The following CPNE3 variants were observed in gnomAD, a reference collection of about 807,000 sequenced individuals.
The protein encoded by CPNE3 is copine-3.
CPNE3 carries 68 observed loss-of-function variants against 63.9 expected under a neutral mutation model. The ratio of observed to expected loss-of-function variants is 1.06; its 90% CI spans 0.87 to 1.30. The LOEUF (loss-of-function observed/expected upper bound fraction) is 1.30. CPNE3 is among the 50% of genes most tolerant of loss of function. The pLI is 0.00. For missense variants in CPNE3, 665 were observed against 578.1 expected (o/e 1.15, Z -1.54); for synonymous variants, 219 against 197.5 (o/e 1.11, Z -0.91).
At chr8:86,527,985 A>G (rs1444229781) in intron 2 of CPNE3, among the ~76,000 whole-genome samples, 4 of 94,420 alleles carry the variant, frequency 4.2e-5, no homozygotes, top group African/African-American at 2.6e-4. Context: ...CAGAGTCTCT[A>G]TTGCCCAGGC....
chr8:86,553,995 G>GT (rs1326954839), intron 14 of CPNE3: 1 of 152,142 alleles, frequency 6.6e-6, no homozygotes, highest in African/African-American at 2.4e-5. Context: ...AATGACAACA[G>GT]TTTATTTCTT....
intron 11 of CPNE3, 103 bp from the exon 12 acceptor site, chr8:86,548,198 G>T (rs949757041): frequency 8.2e-7 from 1 of 1,216,850 alleles, no homozygotes; most frequent in East Asian, 2.4e-5. Context: ...GGAAGTAGGC[G>T]CCAGGATGCA....
intron 8 of CPNE3, among the ~76,000 whole-genome samples, chr8:86,542,914 G>T (rs971477533): frequency 6.6e-6 from 1 of 151,894 alleles, no homozygotes; most frequent in African/African-American, 2.4e-5. Context: ...AACCGTTTTA[G>T]CCCTTCATAA....
intron 2 of CPNE3, among the ~76,000 whole-genome samples, chr8:86,519,101 T>C (rs2131418389): frequency 6.6e-6 from 1 of 152,308 alleles, no homozygotes; most frequent in African/African-American, 2.4e-5. Context: ...AATACCTCAC[T>C]AAATGAACCT....
chr8:86,535,148 C>G (rs1186243260), intron 6 of CPNE3, among the ~76,000 whole-genome samples: 2 of 151,968 alleles, frequency 1.3e-5, no homozygotes, highest in South Asian at 2.1e-4. Context: ...AGCCATGTCC[C>G]AAGCTTATTT....
At chr8:86,520,702 C>G (rs1422279568) in intron 2 of CPNE3, among the ~76,000 whole-genome samples, 1 of 150,140 alleles carries the variant, frequency 6.7e-6, no homozygotes, top group African/African-American at 2.4e-5. Flanking sequence ...CTTTGTCACC[C>G]AGGCTGGAGT....
chr8:86,537,070 C>CAAAACAATATCTTTTAAACTTTTT (rs1820818231), intron 6 of CPNE3, among the ~76,000 whole-genome samples: 1 of 152,094 alleles, frequency 6.6e-6, no homozygotes, highest in Non-Finnish European at 1.5e-5. Flanking sequence ...ACATAGAAGG[C>CAAAACAATATCTTTTAAACTTTTT]TGAGATATGA....
chr8:86,554,540 A>C lies in CPNE3; in HGVS notation c.1121-311A>C, dbSNP rs554745547. 1.5e-4 allele frequency among the ~76,000 whole-genome samples: 23 copies of C among 152,328 alleles called. 1 individual carries two copies. The highest frequency in any genetic ancestry group is 5.1e-4 in the African/African-American group (21 of 41,578). On this transcript the variant is annotated intron_variant, in intron 14 of 16. Transcript: ENST00000517490. ...GAAACCTTTTTCATGGTTTTCTATC[A>C]GAGCCACATTCCCAACATGTATTAA...
chr8:86,529,407 G>C (rs1325006214), intron 4 of CPNE3, among the ~76,000 whole-genome samples: 1 of 152,122 alleles, frequency 6.6e-6, no homozygotes, highest in Non-Finnish European at 1.5e-5. Flanking sequence ...CTGCTGCAGA[G>C]TTCTCTACGG....
intron 5 of CPNE3, 92 bp from the exon 6 acceptor site, chr8:86,532,417 G>A: frequency 1.2e-6 from 1 of 825,220 alleles, no homozygotes; most frequent in Non-Finnish European, 1.9e-6. Flanking sequence ...ATTAGTGTAG[G>A]CTTTATATTA....
chr8:86,520,721 G>A (rs1463658057), intron 2 of CPNE3, among the ~76,000 whole-genome samples: 4 of 147,232 alleles, frequency 2.7e-5, no homozygotes, highest in East Asian at 2.1e-4. Context: ...GTGCAGTGGC[G>A]CAATCTTGGC....
At chr8:86,542,600 T>C (rs1820964677) in intron 8 of CPNE3, among the ~76,000 whole-genome samples, 1 of 151,832 alleles carries the variant, frequency 6.6e-6, no homozygotes. Flanking sequence ...TACATGTATA[T>C]ATTATATACT....
intron 2 of CPNE3, among the ~76,000 whole-genome samples, chr8:86,526,493 G>A (rs765058016): frequency 6.3e-4 from 94 of 149,432 alleles, no homozygotes; most frequent in Non-Finnish European, 9.6e-4. Context: ...AAATATATAA[G>A]ATACATATTT....
chr8:86,541,237 ACTT>A (rs1177396873), intron 8 of CPNE3, among the ~76,000 whole-genome samples: 2 of 152,136 alleles, frequency 1.3e-5, no homozygotes, highest in African/African-American at 4.8e-5. Flanking sequence ...AGGTAACCAC[ACTT>A]CTTCACATTT....
chr8:86,558,201 T>A (rs1190026985), intron 16 of CPNE3, 87 bp from the exon 17 acceptor site: 1 of 828,238 alleles, frequency 1.2e-6, no homozygotes, highest in East Asian at 2.4e-5. Flanking sequence ...TTCATTTTAG[T>A]GGCTGCTGAA....
intron 14 of CPNE3, among the ~76,000 whole-genome samples, chr8:86,553,765 T>G (rs1821246626): frequency 6.6e-6 from 1 of 151,838 alleles, no homozygotes; most frequent in Non-Finnish European, 1.5e-5. Context: ...TTTTTTTTTT[T>G]TGTGGCAAGT....
At position 86,561,045 on chromosome 8, in the gene CPNE3, A is replaced by G. The variant is rs1821430284; in HGVS notation, c.*2635A>G. 6.6e-6 allele frequency: 1 copy of G among 152,198 alleles called. No homozygotes were observed. Among genetic ancestry groups the G allele is most frequent in the African/African-American group, 2.4e-5 (1 of 41,450 alleles). The allele number at this position is 152,198 out of a possible 1,614,324, so 9.4% of individuals were successfully genotyped here. ...TAGAATTGCAATTTTAAGACCAGAAAAATTTGAAGTCTGATCAGAGATTTA... is the reference window on the plus strand; with the variant it reads ...TAGAATTGCAATTTTAAGACCAGAAGAATTTGAAGTCTGATCAGAGATTTA... On this transcript the variant is annotated 3_prime_UTR_variant, in exon 17 of 17. Transcript: ENST00000517490.
chr8:86,544,116 G>T (rs940556632), intron 8 of CPNE3, among the ~76,000 whole-genome samples: 6 of 152,006 alleles, frequency 3.9e-5, no homozygotes, highest in African/African-American at 1.4e-4. Context: ...ATATGACCCG[G>T]TGTGGATACT....
rs1821121638 is a variant in CPNE3, at chr8:86,549,288, A to G, written c.1013+854A>G. On this transcript the variant is annotated intron_variant, in intron 12 of 16. Coordinates refer to ENST00000517490, the MANE Select transcript of CPNE3 (RefSeq NM_003909.5). Reference sequence around the variant, plus strand: ...AGTAAGTTTTAAGGTAAAAATCATTAAATATATTTAACATATATAGAAAGT... The same window carrying G: ...AGTAAGTTTTAAGGTAAAAATCATTGAATATATTTAACATATATAGAAAGT... Among the ~76,000 whole-genome samples, 4 of 152,230 alleles carry G rather than the reference A, an allele frequency of 2.6e-5. No individual in the cohort carries two copies. The South Asian group carries it at 8.3e-4, about 31-fold the overall frequency.
Sources: allele counts gnomAD v4.1 joint callset (sites outside exome capture counted in the v4.1 genomes callset), GRCh38; gene constraint gnomAD v4.1.1; transcripts MANE v1.5; gene names NCBI Gene and HGNC (gene_info 2026-07-23, HGNC 2026-07-21).